Variants in SPDEF observed in about 807,000 individuals in gnomAD.
The protein encoded by SPDEF is SAM pointed domain-containing Ets transcription factor.
A neutral mutation model predicts 36.0 loss-of-function variants in SPDEF; 12 were observed. The observed-to-expected ratio is 0.33, with a 90% CI of 0.21 to 0.54. The LOEUF (loss-of-function observed/expected upper bound fraction) is 0.54, where lower values mean the gene tolerates loss of function less well. Ranked by LOEUF, SPDEF falls within the 20% of genes least tolerant of loss-of-function variation. SPDEF has a pLI of 0.93. For synonymous variants in SPDEF, 205 were observed against 193.0 expected (o/e 1.06, Z -0.51); for missense variants, 388 against 456.9 (o/e 0.85, Z 1.37).
At chr6:34,551,473 C>T (rs1768061332) in intron 1 of SPDEF, among the ~76,000 whole-genome samples, 1 of 152,236 alleles carries the variant, frequency 6.6e-6, no homozygotes, top group African/African-American at 2.4e-5. Context: ...CAGTCTCCTG[C>T]TCTGTAGGCC....
chr6:34,545,542 T>C (rs1423964748), intron 1 of SPDEF, among the ~76,000 whole-genome samples: 1 of 152,226 alleles, frequency 6.6e-6, no homozygotes, highest in East Asian at 1.9e-4. Context: ...GAAGGGGGAC[T>C]GGAGAGGTGC....
Position 34,543,757 on chromosome 6 carries a change from G to C in SPDEF, c.436+263C>G, listed in dbSNP as rs554238692. Among the ~76,000 whole-genome samples the C allele has an allele frequency of 3.3e-5, 5 of 152,276 alleles. No individual in the cohort carries two copies. The East Asian group carries it at 9.6e-4, about 29-fold the overall frequency. On this transcript the variant is annotated intron_variant, in intron 2 of 5. Coordinates refer to ENST00000374037, the MANE Select transcript of SPDEF (RefSeq NM_012391.3). ...GAGAGCGAAGTCCAAGAGGAGGTGG[G>C]GGACACAGAGCTTGAATTCATATCA...
chr6:34,538,354 G>T lies in SPDEF; in HGVS notation c.928C>A (p.Arg310Ser), dbSNP rs776586725. The change falls in exon 6 of 6, where the codon CGC becomes AGC. Residue 310 changes from arginine to serine, a missense_variant. By Grantham distance (110) the Arg-to-Ser change is moderately radical (BLOSUM62 -1). Coordinates refer to ENST00000374037, the MANE Select transcript of SPDEF (RefSeq NM_012391.3). The surrounding 1 kb of genome is among the most constrained non-coding windows in gnomAD (Gnocchi z 5.9). ...MNYDKLSRSI[R>S]QYYKKGIIRK... ...ATGATGCCCTTCTTGTAATACTGGC[G>T]GATGGAGCGGCTCAGCTTGTCGTAG... 6.2e-7 allele frequency: 1 copy of T among 1,614,150 alleles called. No individual in the cohort carries two copies. Among genetic ancestry groups the T allele is most frequent in the Non-Finnish European group, 8.5e-7 (1 of 1,179,982 alleles).
chr6:34,540,711 C>G (rs1435059924), intron 3 of SPDEF, among the ~76,000 whole-genome samples: 2 of 152,224 alleles, frequency 1.3e-5, no homozygotes, highest in Non-Finnish European at 2.9e-5. Flanking sequence ...GTCCCCAGCT[C>G]TGACATCCTG....
Position 34,544,599 on chromosome 6 carries a change from T to C in SPDEF, c.-29-115A>G, listed in dbSNP as rs1199652635. On this transcript the variant is annotated intron_variant, in intron 1 of 5. Transcript: ENST00000374037. The surrounding 1 kb of genome is among the most constrained non-coding windows in gnomAD (Gnocchi z 4.4). ...ACAGTGGGCTGGGCCTGGGACAGAG[T>C]TGGGGGCTTCCGGGTCATTGGGCAG... 2.4e-6 allele frequency: 2 copies of C among 833,658 alleles called. No homozygotes were observed. Among genetic ancestry groups the C allele is most frequent in the East Asian group, 3.0e-5 (1 of 33,618 alleles). The allele number at this position is 833,658 out of a possible 1,614,324, so 51.6% of individuals were successfully genotyped here. A position where few individuals can be genotyped will look rare whatever the true frequency, so the allele number is the denominator to read the frequency against.
intron 1 of SPDEF, among the ~76,000 whole-genome samples, chr6:34,553,654 G>A (rs76062260): frequency 0.039 from 5,892 of 152,178 alleles, 330 homozygotes; most frequent in African/African-American, 0.12. Flanking sequence ...GGGCACAGGT[G>A]AGGGGATCAG....
rs978153997 is a variant in SPDEF, at chr6:34,541,223, G to A, written c.437-42C>T. ...CCCTCAGCTCAGGGGTGGCCTGAGAGCACCACCCTGCTGTGATGGGGCACC... is the reference window on the plus strand; with the variant it reads ...CCCTCAGCTCAGGGGTGGCCTGAGAACACCACCCTGCTGTGATGGGGCACC... On this transcript the variant is annotated intron_variant, in intron 2 of 5. Coordinates refer to ENST00000374037, the MANE Select transcript of SPDEF (RefSeq NM_012391.3). 4.6e-6 allele frequency: 7 copies of A among 1,528,146 alleles called. No individual in the cohort carries two copies. In the Admixed American group the frequency reaches 5.8e-5, roughly 13 times the overall value. 94.7% of individuals were successfully genotyped at this position (1,528,146 alleles called of 1,614,324 possible).
chr6:34,547,154 C>A, intron 1 of SPDEF, among the ~76,000 whole-genome samples: 1 of 152,160 alleles, frequency 6.6e-6, no homozygotes, highest in Non-Finnish European at 1.5e-5. Context: ...GCAGAACTCG[C>A]TTCCCTTGTG....
chr6:34,550,306 G>A (rs1177182469), intron 1 of SPDEF, among the ~76,000 whole-genome samples: 1 of 152,206 alleles, frequency 6.6e-6, no homozygotes, highest in Non-Finnish European at 1.5e-5. Context: ...CCCAAGAGAA[G>A]TGCCAGACCC....
chr6:34,542,886 C>CAAAAAA (rs758431726), intron 2 of SPDEF, among the ~76,000 whole-genome samples: 12 of 53,542 alleles, frequency 2.2e-4, no homozygotes, highest in African/African-American at 5.9e-4. Context: ...GAGACCCTGT[C>CAAAAAA]AAAAAAAAAA....
chr6:34,542,886 CAAA>C (rs758431726), intron 2 of SPDEF, among the ~76,000 whole-genome samples: 47 of 53,556 alleles, frequency 8.8e-4, no homozygotes, highest in African/African-American at 2.5e-3. Context: ...GAGACCCTGT[CAAA>C]AAAAAAAAAA....
Position 34,538,037 on chromosome 6 carries a change from C to T in SPDEF, c.*237G>A, listed in dbSNP as rs1767730645. 2.0e-6 allele frequency: 1 copy of T among 496,920 alleles called. No individual in the cohort carries two copies. Among genetic ancestry groups the T allele is most frequent in the Non-Finnish European group, 3.6e-6 (1 of 276,692 alleles). 30.8% of individuals were successfully genotyped at this position (496,920 alleles called of 1,614,324 possible). A position where few individuals can be genotyped will look rare whatever the true frequency, so the allele number is the denominator to read the frequency against. On this transcript the variant is annotated 3_prime_UTR_variant, in exon 6 of 6. Coordinates refer to ENST00000374037, the MANE Select transcript of SPDEF (RefSeq NM_012391.3). The surrounding 1 kb of genome is among the most constrained non-coding windows in gnomAD (Gnocchi z 5.9). ...TGTTGGGGAGCAGCCCTGTCTCCCT[C>T]TGTCCTCCAGGGGAGCAGCTGGGCC...
rs773702132 is a variant in SPDEF at position 34,544,173 on chromosome 6, C to G, written c.283G>C (p.Val95Leu). ...EPPEEPEQCP[V>L]IDSQAPAGSL... ...CCCGCTGGGGCTTGGCTGTCAATGACCGGGCACTGCTCAGGCTCCTCAGGT... is the reference window on the plus strand; with the variant it reads ...CCCGCTGGGGCTTGGCTGTCAATGAGCGGGCACTGCTCAGGCTCCTCAGGT... Residue 95 changes from valine (V) to leucine (L), a missense_variant, in exon 2 of 6, where the codon GTC (valine) becomes CTC (leucine). Physicochemically the swap from Val to Leu is conservative, Grantham distance 32. Around this residue, in one of 2 missense-constraint regions of SPDEF, gnomAD observed 308 missense variants for 326.1 expected, o/e 0.94. Coordinates refer to ENST00000374037, the MANE Select transcript of SPDEF (RefSeq NM_012391.3). This position sits in a 1 kb window ranked among gnomAD's most constrained non-coding sequence, Gnocchi z 4.4. 2 of 1,613,884 alleles carry G rather than the reference C, an allele frequency of 1.2e-6. No individual in the cohort carries two copies. Among genetic ancestry groups the G allele is most frequent in the Admixed American group, 1.7e-5 (1 of 60,012 alleles).
chr6:34,553,887 G>T (rs1247326969), intron 1 of SPDEF, among the ~76,000 whole-genome samples: 2 of 139,416 alleles, frequency 1.4e-5, no homozygotes, highest in East Asian at 4.8e-4. Context: ...CCAGAACCAA[G>T]AATTCCTGCC....
rs1318138529 is a variant in SPDEF, at chr6:34,555,454, C to T, written c.-30+475G>A. ...CTCCCCTGTCCCGAACTGGACCCGG[C>T]CTTAGACTTAGCCCTGACCCATCAA... On this transcript the variant is annotated intron_variant, in intron 1 of 5. Coordinates refer to ENST00000374037, the MANE Select transcript of SPDEF (RefSeq NM_012391.3). This position sits in a 1 kb window ranked among gnomAD's most constrained non-coding sequence, Gnocchi z 5.2. Among the ~76,000 whole-genome samples the T allele has an allele frequency of 6.6e-6, 1 of 152,114 alleles. No individual in the cohort carries two copies. The highest frequency in any genetic ancestry group is 1.5e-5 in the Non-Finnish European group (1 of 68,006).
chr6:34,549,226 T>A (rs767364236), intron 1 of SPDEF, among the ~76,000 whole-genome samples: 54 of 152,288 alleles, frequency 3.5e-4, no homozygotes, highest in Non-Finnish European at 6.5e-4. Context: ...AGGCCCCAGA[T>A]CCCACTCCAG....
intron 1 of SPDEF, among the ~76,000 whole-genome samples, chr6:34,550,229 C>T (rs576482017): frequency 1.0e-3 from 157 of 152,338 alleles, no homozygotes; most frequent in African/African-American, 3.5e-3. Flanking sequence ...CTCTGCTCCT[C>T]CAACCCTTCC....
intron 1 of SPDEF, among the ~76,000 whole-genome samples, chr6:34,546,286 G>A (rs1767951777): frequency 6.6e-6 from 1 of 152,136 alleles, no homozygotes; most frequent in Admixed American, 6.5e-5. Context: ...TTGCTTTAAA[G>A]GTAACTGGCC....
Position 34,539,317 on chromosome 6 carries a change from G to A in SPDEF, c.762C>T (p.Phe254=), listed in dbSNP as rs747060389. The change falls in exon 5 of 6, where the codon TTC becomes TTT. Residue 254 remains phenylalanine, a synonymous_variant. Coordinates refer to ENST00000374037, the MANE Select transcript of SPDEF (RefSeq NM_012391.3). This position sits in a 1 kb window ranked among gnomAD's most constrained non-coding sequence, Gnocchi z 5.2. ...CSGQPIHLWQ[F]LKELLLKPHS... ...GGGGCTTGAGTAGCAACTCCTTGAG[G>A]AACTGCCACAGGTGGATGGGCTGCC... is the stretch of plus-strand genomic sequence containing the variant. 1.7e-5 allele frequency: 27 copies of A among 1,613,872 alleles called. No individual in the cohort carries two copies. Among genetic ancestry groups the A allele is most frequent in the Non-Finnish European group, 1.1e-5 (13 of 1,180,050 alleles).
Sources: gnomAD v4.1 joint callset for allele counts (sites outside exome capture counted in the v4.1 genomes callset) on GRCh38, gnomAD v4.1.1 for gene constraint, gnomAD v4.1.1 regional missense constraint, Gnocchi (gnomAD v3.1) non-coding constraint, MANE v1.5 for transcripts, NCBI Gene and HGNC (gene_info 2026-07-23, HGNC 2026-07-21) for gene names.